SLC9A9: variants seen among roughly 807,000 people sequenced by gnomAD.
SLC9A9 encodes the protein solute carrier family 9 member A9.
In SLC9A9, 62 loss-of-function variants were observed where a neutral mutation model predicts 77.8. That is an observed-to-expected ratio of 0.80 (90% CI 0.65 to 0.98). The LOEUF is 0.98. Ranked by LOEUF, SLC9A9 falls within the 50% of genes least tolerant of loss-of-function variation. SLC9A9 has a pLI of 0.00. For missense variants in SLC9A9, 775 were observed against 774.9 expected, an observed-to-expected ratio of 1.00 and a Z score of 0.00; for synonymous variants, 320 against 283.5, an observed-to-expected ratio of 1.13 and a Z score of -1.29.
At chr3:143,392,031 G>T (rs2033581716) in intron 12 of SLC9A9, among the ~76,000 whole-genome samples, 1 of 152,100 alleles carries the variant, frequency 6.6e-6, no homozygotes, top group East Asian at 1.9e-4. Context: ...CACTCTGCAG[G>T]ATATTATCCA....
At chr3:143,315,002 T>C (rs1352151819) in intron 14 of SLC9A9, among the ~76,000 whole-genome samples, 1 of 152,228 alleles carries the variant, frequency 6.6e-6, no homozygotes, top group Non-Finnish European at 1.5e-5. Flanking sequence ...AAATACTGTT[T>C]GGTTTTTGAA....
chr3:143,382,185 G>T, intron 12 of SLC9A9, 71 bp from the exon 13 acceptor site: 1 of 1,493,452 alleles, frequency 6.7e-7, no homozygotes, highest in South Asian at 1.1e-5. Context: ...TGTGTCAGAT[G>T]ACCTAACCCA....
intron 6 of SLC9A9, among the ~76,000 whole-genome samples, chr3:143,620,813 G>A (rs144687249): frequency 2.3e-3 from 357 of 152,296 alleles, no homozygotes; most frequent in African/African-American, 8.1e-3. Flanking sequence ...GAAGCAGGGC[G>A]AGGCATTGTC....
chr3:143,606,430 C>CTATATATATATATATATATA (rs745429920), intron 6 of SLC9A9, among the ~76,000 whole-genome samples: 2 of 63,342 alleles, frequency 3.2e-5, no homozygotes, highest in African/African-American at 6.0e-5. Context: ...CTCTCTCTCT[C>CTATATATATATATATATATA]TCTCTCTATA....
chr3:143,740,087 A>G (rs1395559754), intron 4 of SLC9A9, among the ~76,000 whole-genome samples: 1 of 152,144 alleles, frequency 6.6e-6, no homozygotes, highest in African/African-American at 2.4e-5. Context: ...AACTTCTACT[A>G]AGAGATCCTG....
chr3:143,758,613 T>A (rs2108830272), intron 4 of SLC9A9, among the ~76,000 whole-genome samples: 1 of 152,104 alleles, frequency 6.6e-6, no homozygotes, highest in South Asian at 2.1e-4. Flanking sequence ...AATATGAGTG[T>A]CAGACAATTT....
intron 11 of SLC9A9, among the ~76,000 whole-genome samples, chr3:143,474,206 G>C (rs887416826): frequency 6.6e-6 from 1 of 152,198 alleles, no homozygotes; most frequent in African/African-American, 2.4e-5. Flanking sequence ...TGGTGTGATG[G>C]GAGCAGGATA....
chr3:143,700,134 C>T (rs557797115), intron 4 of SLC9A9, among the ~76,000 whole-genome samples: 5 of 151,732 alleles, frequency 3.3e-5, no homozygotes, highest in African/African-American at 1.2e-4. Flanking sequence ...ACTGGCAGGA[C>T]CCATCATCTG....
intron 5 of SLC9A9, among the ~76,000 whole-genome samples, chr3:143,679,205 T>A (rs1290680561): frequency 1.3e-5 from 2 of 152,216 alleles, no homozygotes; most frequent in African/African-American, 4.8e-5. Context: ...TAATCATTGC[T>A]TAGCTCCTTG....
intron 14 of SLC9A9, among the ~76,000 whole-genome samples, chr3:143,286,414 C>T (rs1158975236): frequency 6.6e-6 from 1 of 152,156 alleles, no homozygotes; most frequent in Non-Finnish European, 1.5e-5. Context: ...TTTCAGAGCT[C>T]CTTCTATTGG....
At chr3:143,736,539 C>T (rs1934945080) in intron 4 of SLC9A9, among the ~76,000 whole-genome samples, 1 of 152,170 alleles carries the variant, frequency 6.6e-6, no homozygotes, top group Non-Finnish European at 1.5e-5. Flanking sequence ...AGAGCACACA[C>T]TCAATAGAGG....
At chr3:143,331,796 C>T (rs561860626) in intron 14 of SLC9A9, among the ~76,000 whole-genome samples, 26 of 152,098 alleles carry the variant, frequency 1.7e-4, no homozygotes, top group African/African-American at 5.8e-4. Context: ...GAGTTGAGCA[C>T]GTAAACATAG....
chr3:143,536,752 T>C (rs1401421495), intron 9 of SLC9A9, among the ~76,000 whole-genome samples: 1 of 152,210 alleles, frequency 6.6e-6, no homozygotes. Flanking sequence ...AGCCAAATCT[T>C]GATAGTTCTA....
intron 4 of SLC9A9, among the ~76,000 whole-genome samples, chr3:143,723,941 A>G (rs1369421739): frequency 6.6e-6 from 1 of 152,212 alleles, no homozygotes; most frequent in Non-Finnish European, 1.5e-5. Context: ...CGCTTTGCCT[A>G]TTGAAGGAAA....
chr3:143,291,581 G>A (rs1034819932), intron 14 of SLC9A9, among the ~76,000 whole-genome samples: 3 of 152,188 alleles, frequency 2.0e-5, no homozygotes, highest in Non-Finnish European at 4.4e-5. Flanking sequence ...GCAGGAAAAG[G>A]CTATTGGGCT....
intron 6 of SLC9A9, among the ~76,000 whole-genome samples, chr3:143,645,370 G>A (rs1256828006): frequency 1.3e-5 from 2 of 152,196 alleles, no homozygotes; most frequent in East Asian, 3.8e-4. Flanking sequence ...TTTCTAGGGT[G>A]AGGTTTTGTT....
At chr3:143,496,514 A>T (rs2035835581) in intron 9 of SLC9A9, among the ~76,000 whole-genome samples, 3 of 152,258 alleles carry the variant, frequency 2.0e-5, no homozygotes, top group Admixed American at 2.0e-4. Context: ...AGAAAAGTAG[A>T]ATCTTGTCAG....
intron 9 of SLC9A9, chr3:143,518,299 A>G (rs2036238213): frequency 1.9e-6 from 2 of 1,034,106 alleles, no homozygotes; most frequent in Admixed American, 1.8e-5. Flanking sequence ...GCTCAGCGTG[A>G]CCACGCAGAA....
At chr3:143,606,426 C>CTATATATATA (rs1341835201) in intron 6 of SLC9A9, among the ~76,000 whole-genome samples, 16 of 73,968 alleles carry the variant, frequency 2.2e-4, no homozygotes, top group East Asian at 4.8e-4. Context: ...CTCTCTCTCT[C>CTATATATATA]TCTCTCTCTC....
Sources: gnomAD v4.1 joint callset for allele counts (sites outside exome capture counted in the v4.1 genomes callset) on GRCh38, gnomAD v4.1.1 for gene constraint, MANE v1.5 for transcripts, NCBI Gene and HGNC (gene_info 2026-07-23, HGNC 2026-07-21) for gene names.